The following SERPINA12 variants were observed in gnomAD, a reference collection of about 807,000 sequenced individuals.
SERPINA12 encodes the protein serpin A12.
SERPINA12 carries 21 observed loss-of-function variants against 25.9 expected under a neutral mutation model. The ratio of observed to expected loss-of-function variants is 0.81; its 90% CI spans 0.58 to 1.17. The LOEUF (loss-of-function observed/expected upper bound fraction) is 1.17. SERPINA12 is among the 50% of genes most tolerant of loss of function. The pLI, the probability that SERPINA12 is intolerant of heterozygous loss-of-function variation, is 0.00. For missense variants in SERPINA12, 562 were observed against 508.3 expected (o/e 1.11, Z -1.02); for synonymous variants, 220 against 196.0 (o/e 1.12, Z -1.02).
intron 1 of SERPINA12, among the ~76,000 whole-genome samples, chr14:94,506,044 G>C (rs1900920125): frequency 6.6e-6 from 1 of 152,232 alleles, no homozygotes; most frequent in Non-Finnish European, 1.5e-5. Context: ...GCCTAGACTT[G>C]AGGCTGCCCC....
intron 2 of SERPINA12, among the ~76,000 whole-genome samples, chr14:94,497,199 CT>C (rs1415032254): frequency 6.6e-6 from 1 of 152,024 alleles, no homozygotes; most frequent in Admixed American, 6.6e-5. Flanking sequence ...ATTCTTCCAT[CT>C]TTTTTTTCTG....
chr14:94,488,516 G>A (rs1039252192), intron 4 of SERPINA12, among the ~76,000 whole-genome samples: 5 of 151,922 alleles, frequency 3.3e-5, no homozygotes, highest in African/African-American at 4.8e-5. Context: ...TGAAATACAG[G>A]ACATCCACTG....
upstream of SERPINA12, among the ~76,000 whole-genome samples, chr14:94,514,074 T>C (rs970454236): frequency 6.6e-6 from 1 of 152,150 alleles, no homozygotes; most frequent in East Asian, 1.9e-4. Flanking sequence ...AGGGCAATCA[T>C]ACCTCCCCAC....
intron 3 of SERPINA12, among the ~76,000 whole-genome samples, chr14:94,491,491 T>TTGG (rs1043566345): frequency 2.0e-5 from 3 of 152,062 alleles, no homozygotes; most frequent in Admixed American, 6.5e-5. Context: ...GAATATACTC[T>TTGG]TGGTGGTGGT....
intron 1 of SERPINA12, chr14:94,503,212 C>T (rs1218008792): frequency 1.0e-6 from 1 of 984,856 alleles, no homozygotes. Context: ...TAAGACATAT[C>T]TTCTCTCCCC....
rs1393364063 is a variant in SERPINA12, at chr14:94,499,735, T to C, written c.-33-1305A>G. 1.3e-5 allele frequency among the ~76,000 whole-genome samples: 2 copies of C among 152,070 alleles called. 1 individual carries two copies. Among genetic ancestry groups the C allele is most frequent in the Non-Finnish European group, 2.9e-5 (2 of 68,002 alleles). ...TGTATTGAGGCAGTTGTCTTCCCTG[T>C]AGGGAAGTGAGGGAAGTGGGATGGA... On this transcript the variant is annotated intron_variant, in intron 1 of 4. Transcript: ENST00000677451.
At chr14:94,492,682 T>C (rs1900227186) in intron 3 of SERPINA12, among the ~76,000 whole-genome samples, 1 of 152,208 alleles carries the variant, frequency 6.6e-6, no homozygotes, top group South Asian at 2.1e-4. Flanking sequence ...TCGGCTTTAG[T>C]TTGTGCCAAC....
intron 3 of SERPINA12, among the ~76,000 whole-genome samples, chr14:94,494,958 T>C (rs1900333302): frequency 6.6e-6 from 1 of 152,048 alleles, no homozygotes; most frequent in Non-Finnish European, 1.5e-5. Context: ...GGTGAGACTA[T>C]GCAGATCTCA....
upstream of SERPINA12, chr14:94,511,236 TACAC>T (rs377120399): frequency 1.7e-4 from 33 of 190,480 alleles, no homozygotes; most frequent in African/African-American, 2.6e-4. Context: ...ACACCTCATG[TACAC>T]ACACACACAC....
chr14:94,509,641 C>A (rs1213515067), upstream of SERPINA12, among the ~76,000 whole-genome samples: 1 of 152,170 alleles, frequency 6.6e-6, no homozygotes, highest in Non-Finnish European at 1.5e-5. Context: ...CCTTCCTCAC[C>A]CCTTGGGAAA....
chr14:94,495,506 A>G (rs944153387), intron 3 of SERPINA12, among the ~76,000 whole-genome samples: 3 of 152,226 alleles, frequency 2.0e-5, no homozygotes, highest in Non-Finnish European at 4.4e-5. Context: ...CAGTCCTAGC[A>G]TCATCTGTAC....
intron 1 of SERPINA12, among the ~76,000 whole-genome samples, chr14:94,505,127 C>T (rs961845307): frequency 2.6e-5 from 4 of 152,222 alleles, no homozygotes; most frequent in South Asian, 2.1e-4. Context: ...CGTATCTGAT[C>T]GAAACACCTC....
intron 2 of SERPINA12, among the ~76,000 whole-genome samples, chr14:94,515,260 T>G (rs74446931): frequency 1.2e-3 from 187 of 152,120 alleles, no homozygotes; most frequent in African/African-American, 3.3e-3. Flanking sequence ...GGTTGCTGCT[T>G]GGTGAGAATT....
At chr14:94,502,372 G>T (rs529587638) in intron 1 of SERPINA12, among the ~76,000 whole-genome samples, 31 of 152,288 alleles carry the variant, frequency 2.0e-4, no homozygotes, top group South Asian at 4.1e-4. Flanking sequence ...ACGAGAAGGG[G>T]TTTCCCTGTG....
intron 2 of SERPINA12, among the ~76,000 whole-genome samples, chr14:94,497,495 C>T (rs1900486519): frequency 6.6e-6 from 1 of 152,192 alleles, no homozygotes; most frequent in Non-Finnish European, 1.5e-5. Flanking sequence ...ATTCCAACCT[C>T]TATAACCAAT....
At position 94,498,485 on chromosome 14, in the gene SERPINA12, G is replaced by A; in HGVS notation, c.-33-55C>T. 2.2e-6 allele frequency: 3 copies of A among 1,391,666 alleles called. No homozygotes were observed. The South Asian group carries it at 4.1e-5, about 19-fold the overall frequency. 86.2% of individuals were successfully genotyped at this position (1,391,666 alleles called of 1,614,324 possible). On this transcript the variant is annotated intron_variant, in intron 1 of 4. Coordinates refer to ENST00000677451, the MANE Select transcript of SERPINA12 (RefSeq NM_001382267.1). ...AACCCCATTGCCTACATGTTACCCAGAGGAAGACCAGATGAAAGAAGAAAT... is the reference window on the plus strand; with the variant it reads ...AACCCCATTGCCTACATGTTACCCAAAGGAAGACCAGATGAAAGAAGAAAT...
chr14:94,515,461 C>T (rs1243600997), intron 2 of SERPINA12, among the ~76,000 whole-genome samples: 1 of 152,164 alleles, frequency 6.6e-6, no homozygotes, highest in African/African-American at 2.4e-5. Context: ...AGCAGGGAGC[C>T]ACCCACTCAG....
chr14:94,507,778 T>G (rs1900982813), intron 1 of SERPINA12, among the ~76,000 whole-genome samples: 1 of 152,220 alleles, frequency 6.6e-6, no homozygotes, highest in African/African-American at 2.4e-5. Flanking sequence ...GAAAATTGCT[T>G]GGCAGGATCT....
chr14:94,510,894 G>A (rs1429708945), upstream of SERPINA12, among the ~76,000 whole-genome samples: 2 of 152,154 alleles, frequency 1.3e-5, no homozygotes. Flanking sequence ...GCTAAGCTGT[G>A]AGCACAGGTA....
Sources: gnomAD v4.1 joint callset for allele counts (sites outside exome capture counted in the v4.1 genomes callset) on GRCh38, gnomAD v4.1.1 for gene constraint, MANE v1.5 for transcripts, NCBI Gene and HGNC (gene_info 2026-07-23, HGNC 2026-07-21) for gene names.